DNAAF5: variants seen among roughly 807,000 people sequenced by gnomAD.
DNAAF5 encodes the protein dynein axonemal assembly factor 5.
In DNAAF5, 64 loss-of-function variants were observed where a neutral mutation model predicts 75.8. The observed-to-expected ratio is 0.84, with a 90% CI of 0.69 to 1.04. DNAAF5 has a LOEUF of 1.04. Among genes scored for constraint, DNAAF5 ranks in the 50% least tolerant of loss-of-function variants. DNAAF5 has a pLI of 0.00. For synonymous variants in DNAAF5, 657 were observed against 557.2 expected (o/e 1.18, Z -2.52); for missense variants, 1,269 against 1,178.5 (o/e 1.08, Z -1.12).
At chr7:741,889 C>T (rs953609317) in intron 4 of DNAAF5, among the ~76,000 whole-genome samples, 29 of 152,190 alleles carry the variant, frequency 1.9e-4, no homozygotes, top group Admixed American at 1.4e-3. Flanking sequence ...CAAGACAGAG[C>T]TCAGCACGAG....
chr7:763,769 G>A, intron 7 of DNAAF5, 37 bp from the exon 8 acceptor site: 1 of 1,607,902 alleles, frequency 6.2e-7, no homozygotes, highest in Non-Finnish European at 8.5e-7. Context: ...AGCCCTGAGT[G>A]TTGGAATTGT....
chr7:764,321 T>G lies in DNAAF5; in HGVS notation c.1783+347T>G, dbSNP rs937783239. Among the ~76,000 whole-genome samples the G allele has an allele frequency of 3.3e-5, 5 of 152,236 alleles. 1 individual carries two copies. The highest frequency in any genetic ancestry group is 1.2e-4 in the African/African-American group (5 of 41,472). ...TCTAGCCGCATGGGTGCTGTGTGTG[T>G]GACATGGGGGCCTTAGCCCCAGCCC... On this transcript the variant is annotated intron_variant, in intron 8 of 12. Transcript: ENST00000297440.
intron 8 of DNAAF5, chr7:768,875 G>T (rs1474085856): frequency 2.1e-6 from 1 of 482,384 alleles, no homozygotes; most frequent in Non-Finnish European, 3.8e-6. Flanking sequence ...ATGTAGAGAG[G>T]GTGAAACAGT....
Position 727,031 on chromosome 7 carries a change from T to C in DNAAF5, c.311T>C (p.Leu104Pro). 1 of 1,142,376 alleles carries C rather than the reference T, an allele frequency of 8.8e-7. No individual in the cohort carries two copies. 70.8% of individuals were successfully genotyped at this position (1,142,376 alleles called of 1,614,324 possible). ...ALAVHLLDLG[L>P]RRAARPRDAL... ...GCAGTGCACCTGCTGGATCTGGGCC[T>C]GCGCCGCGCCGCGCGGCCCCGCGAT... Residue 104 changes from leucine to proline, a missense_variant, in exon 1 of 13, where the codon CTG becomes CCG. Physicochemically the swap from Leu to Pro is moderately conservative, Grantham distance 98. Transcript: ENST00000297440.
At chr7:760,842 C>T (rs945896977) in intron 6 of DNAAF5, among the ~76,000 whole-genome samples, 2 of 152,108 alleles carry the variant, frequency 1.3e-5, no homozygotes, top group Non-Finnish European at 2.9e-5. Context: ...TCCACCTCCC[C>T]GTCAATCAGT....
chr7:741,489 G>A (rs1396152029), intron 4 of DNAAF5, 24 bp downstream of exon 4: 1 of 1,376,968 alleles, frequency 7.3e-7, no homozygotes, highest in African/African-American at 1.4e-5. Context: ...GCAGAGGGGA[G>A]CGCCAGGAGG....
chr7:763,680 C>T (rs1394812756), intron 7 of DNAAF5, 126 bp from the exon 8 acceptor site: 2 of 1,106,170 alleles, frequency 1.8e-6, no homozygotes, highest in Non-Finnish European at 2.6e-6. Flanking sequence ...AGCCTCCCTC[C>T]CGATTATCCT....
chr7:760,490 A>G (rs542612559), intron 6 of DNAAF5, among the ~76,000 whole-genome samples: 1 of 152,300 alleles, frequency 6.6e-6, no homozygotes, highest in African/African-American at 2.4e-5. Context: ...GGACGTTATA[A>G]GAAGTAAATA....
chr7:777,334 C>T (rs1421709177), intron 11 of DNAAF5, among the ~76,000 whole-genome samples: 2 of 152,120 alleles, frequency 1.3e-5, no homozygotes, highest in Admixed American at 6.5e-5. Context: ...GCACCCAGCC[C>T]GGGAAGGAAG....
chr7:770,455 C>G lies in DNAAF5; in HGVS notation c.1784-16C>G. ...TCCTGAGGGCCGTGCACAGGAGCCT[C>G]TGTTGTGTCTTACAGGCCCTGCCCT... On this transcript the variant is annotated splice_polypyrimidine_tract_variant and intron_variant, in intron 8 of 12. Transcript: ENST00000297440. 2 of 1,610,976 alleles carry G rather than the reference C, an allele frequency of 1.2e-6. No homozygotes were observed. Among genetic ancestry groups the G allele is most frequent in the Non-Finnish European group, 1.7e-6 (2 of 1,178,796 alleles).
intron 9 of DNAAF5, 28 bp from the exon 10 acceptor site, chr7:774,020 T>C (rs1309683569): frequency 6.2e-7 from 1 of 1,613,930 alleles, no homozygotes; most frequent in East Asian, 2.2e-5. Flanking sequence ...TCCGGTCTCC[T>C]CATCCACCCT....
chr7:773,175 C>G (rs1778630226), intron 9 of DNAAF5, among the ~76,000 whole-genome samples: 1 of 152,146 alleles, frequency 6.6e-6, no homozygotes, highest in African/African-American at 2.4e-5. Context: ...AAAAACGAAC[C>G]CACGCCAGAA....
In DNAAF5 at chr7:753,557, G is replaced by A. The variant is rs531073147; in HGVS notation, c.1025-1032G>A. Among the ~76,000 whole-genome samples the A allele has an allele frequency of 1.2e-4, 19 of 152,182 alleles. No homozygotes were observed. The South Asian group carries it at 3.1e-3, about 25-fold the overall frequency. On this transcript the variant is annotated intron_variant, in intron 4 of 12. Transcript: ENST00000297440. ...GTGTCTCTCATATGGCGATGGCTTC[G>A]AAGGCATGTCTCTCTGATCATATGG...
chr7:726,843 C>A lies in DNAAF5; in HGVS notation c.123C>A (p.Asp41Glu). The change falls in exon 1 of 13, where the codon GAC becomes GAA. Residue 41 changes from aspartate (D) to glutamate (E), a missense_variant. By Grantham distance (45) the Asp-to-Glu change is conservative. Coordinates refer to ENST00000297440, the MANE Select transcript of DNAAF5 (RefSeq NM_017802.4). ...GCCTGCTGCCGGGGCTGGAGGCCGA[C>A]AGCAAGCCGGGCCGGCGGCGCGCCT... The part of the protein sequence containing the change: ...LSRLLPGLEA[D>E]SKPGRRRALE... 1 of 1,325,012 alleles carries A rather than the reference C, an allele frequency of 7.5e-7. No individual in the cohort carries two copies. Among genetic ancestry groups the A allele is most frequent in the East Asian group, 3.2e-5 (1 of 31,618 alleles). The allele number at this position is 1,325,012 out of a possible 1,614,324, so 82.1% of individuals were successfully genotyped here.
intron 6 of DNAAF5, among the ~76,000 whole-genome samples, chr7:757,495 C>T (rs6463949): frequency 0.43 from 65,282 of 152,140 alleles, 14,424 homozygotes; most frequent in Middle Eastern, 0.47. Flanking sequence ...GGGGCACTGA[C>T]AGCCTGTTCC....
chr7:771,224 G>A (rs910497660), intron 9 of DNAAF5: 1 of 152,310 alleles, frequency 6.6e-6, no homozygotes, highest in African/African-American at 2.4e-5. Context: ...GACCCCGAGG[G>A]TCTAGGGCCT....
At position 727,031 on chromosome 7, in the gene DNAAF5, TGCGCCGCGCC is replaced by T. The variant is rs1376820756; in HGVS notation, c.316_325del (p.Arg106GlyfsTer100). 7 of 1,142,270 alleles carry T rather than the reference TGCGCCGCGCC, an allele frequency of 6.1e-6. No individual in the cohort carries two copies. Among genetic ancestry groups the T allele is most frequent in the Non-Finnish European group, 7.5e-6 (7 of 931,494 alleles). The allele number at this position is 1,142,270 out of a possible 1,614,324, so 70.8% of individuals were successfully genotyped here. A position where few individuals can be genotyped will look rare whatever the true frequency, so the allele number is the denominator to read the frequency against. The stretch of plus-strand genomic sequence containing the variant: ...GCAGTGCACCTGCTGGATCTGGGCC[TGCGCCGCGCC>T]GCGCGGCCCCGCGATGCCCTGCCGC... On this transcript the variant is annotated frameshift_variant, in exon 1 of 13. Coordinates refer to ENST00000297440, the MANE Select transcript of DNAAF5 (RefSeq NM_017802.4). LOFTEE classifies it high-confidence loss of function.
chr7:769,214 C>T (rs1416620969), intron 8 of DNAAF5: 3 of 770,166 alleles, frequency 3.9e-6, no homozygotes, highest in African/African-American at 1.7e-5. Flanking sequence ...AGGTGACTCA[C>T]AGTTGCTTGG....
intron 6 of DNAAF5, among the ~76,000 whole-genome samples, chr7:757,792 G>T (rs1439112971): frequency 2.6e-5 from 4 of 152,216 alleles, no homozygotes; most frequent in African/African-American, 7.2e-5. Context: ...CCAGGCGGCC[G>T]TGCCATGCAG....
Sources: gnomAD v4.1 joint callset for allele counts (sites outside exome capture counted in the v4.1 genomes callset) on GRCh38, gnomAD v4.1.1 for gene constraint, MANE v1.5 for transcripts, NCBI Gene and HGNC (gene_info 2026-07-23, HGNC 2026-07-21) for gene names.